The following RTL1 variants were observed in gnomAD, a reference collection of about 807,000 sequenced individuals.
The protein encoded by RTL1 is retrotransposon Gag like 1, also known as retrotransposon-like protein 1.
For synonymous variants in RTL1, 727 were observed against 748.4 expected, an observed-to-expected ratio of 0.97 and a Z score of 0.47; for missense variants, 1,681 against 1,767.5, an observed-to-expected ratio of 0.95 and a Z score of 0.88.
In RTL1 at chr14:100,881,249, G is replaced by A; in HGVS notation, c.3540C>T (p.Ser1180=). ...TGAACTGCAGGCCTCGGTGGGCCTG[G>A]GAGTGCAGAGCATTTCGCTGCCAGC... ...PGRWQRNALH[S]QAHRGLQFTP... Residue 1180 remains serine, a synonymous_variant, in exon 4 of 4, where the codon TCC becomes TCT. Transcript: ENST00000649591. The surrounding 1 kb of genome is among the most constrained non-coding windows in gnomAD (Gnocchi z 6.6). 3.9e-6 allele frequency: 6 copies of A among 1,549,694 alleles called. 1 individual carries two copies. In the South Asian group the frequency reaches 7.2e-5, roughly 18 times the overall value.
Position 100,883,099 on chromosome 14 carries a change from C to G in RTL1, c.1690G>C (p.Asp564His), listed in dbSNP as rs146372942. The G allele has an allele frequency of 1.2e-6, 2 of 1,613,594 alleles. No individual in the cohort carries two copies. The highest frequency in any genetic ancestry group is 1.3e-5 in the African/African-American group (1 of 75,034). ...TCTGCTTCCTTCGGGTTAAACACGT[C>G]GGCCAGGTCTGAGTATGGGTGTGGC... ...GLPHPYSDLA[D>H]VFNPKEADDE... is the part of the protein sequence containing the mutation. The change falls in exon 4 of 4, where the codon GAC becomes CAC. Residue 564 changes from aspartate (D) to histidine (H), a missense_variant. By Grantham distance (81) the Asp-to-His change is moderately conservative (BLOSUM62 -1). Coordinates refer to ENST00000649591, the MANE Select transcript of RTL1 (RefSeq NM_001134888.3). The surrounding 1 kb of genome is among the most constrained non-coding windows in gnomAD (Gnocchi z 5.9).
intron 2 of RTL1, among the ~76,000 whole-genome samples, chr14:100,900,910 CACCAACAAAA>C (rs892333927): frequency 6.6e-6 from 1 of 152,204 alleles, no homozygotes. Context: ...AAAACAACAG[CACCAACAAAA>C]ACCAACAAAA....
Position 100,881,819 on chromosome 14 carries a change from G to T in RTL1, c.2970C>A (p.Gly990=), listed in dbSNP as rs1163215107. The T allele has an allele frequency of 2.5e-6, 4 of 1,613,936 alleles. No individual in the cohort carries two copies. The South Asian group carries it at 4.4e-5, about 18-fold the overall frequency. Reference sequence around the variant, plus strand: ...GGTTTCTCACAGGTGGCAGAGCTCGGCCGCCGTCTTGTTCTGGCAGCTCCA... The same window carrying T: ...GGTTTCTCACAGGTGGCAGAGCTCGTCCGCCGTCTTGTTCTGGCAGCTCCA... The part of the protein sequence containing the change: ...DVMELPEQDG[G]RALPPVRNLR... The change falls in exon 4 of 4, where the codon GGC becomes GGA. Residue 990 remains glycine, a synonymous_variant. Transcript: ENST00000649591. The surrounding 1 kb of genome is among the most constrained non-coding windows in gnomAD (Gnocchi z 6.6).
intron 2 of RTL1, among the ~76,000 whole-genome samples, chr14:100,902,668 C>A (rs1474928554): frequency 1.3e-5 from 2 of 152,208 alleles, no homozygotes; most frequent in African/African-American, 4.8e-5. Context: ...GGCTCCCGAG[C>A]CAGGCAGACC....
In RTL1 at chr14:100,881,597, G is replaced by A. The variant is rs1240060317; in HGVS notation, c.3192C>T (p.Leu1064=). The change falls in exon 4 of 4, where the codon CTC becomes CTT. Residue 1064 remains leucine, a synonymous_variant. Coordinates refer to ENST00000649591, the MANE Select transcript of RTL1 (RefSeq NM_001134888.3). The surrounding 1 kb of genome is among the most constrained non-coding windows in gnomAD (Gnocchi z 6.6). The part of the protein sequence containing the change: ...IPIDQILNSF[L]AHFSMAQIRA... ...TGATCTGGGCCATGCTGAAGTGGGCGAGGAAGCTGTTGAGGATCTGGTCGA... is the reference window on the plus strand; with the variant it reads ...TGATCTGGGCCATGCTGAAGTGGGCAAGGAAGCTGTTGAGGATCTGGTCGA... 2.6e-6 allele frequency: 4 copies of A among 1,551,814 alleles called. No individual in the cohort carries two copies. Among genetic ancestry groups the A allele is most frequent in the East Asian group, 2.4e-5 (1 of 40,926 alleles).
intron 3 of RTL1, among the ~76,000 whole-genome samples, chr14:100,889,209 A>G (rs1369605356): frequency 6.6e-6 from 1 of 152,154 alleles, no homozygotes; most frequent in Non-Finnish European, 1.5e-5. Context: ...CTTGCTTAAA[A>G]TCTCAACGTG....
intron 3 of RTL1, among the ~76,000 whole-genome samples, chr14:100,892,934 G>A (rs1351092813): frequency 6.6e-6 from 1 of 152,142 alleles, no homozygotes; most frequent in Non-Finnish European, 1.5e-5. Flanking sequence ...GATTCGGAGG[G>A]CGAGGTGCTG....
chr14:100,898,076 T>G, intron 2 of RTL1: 1 of 380,924 alleles, frequency 2.6e-6, no homozygotes, highest in South Asian at 2.2e-5. Flanking sequence ...CATTGTTGAT[T>G]ACACTCTTCT....
intron 2 of RTL1, among the ~76,000 whole-genome samples, chr14:100,900,307 T>A (rs1040788139): frequency 1.3e-5 from 2 of 152,232 alleles, no homozygotes; most frequent in Non-Finnish European, 2.9e-5. Context: ...ATGAGCTTTT[T>A]GTGTGTTAGT....
Position 100,882,492 on chromosome 14 carries a change from TC to T in RTL1, c.2296del (p.Asp766ThrfsTer22). On this transcript the variant is annotated frameshift_variant, in exon 4 of 4. Transcript: ENST00000649591. LOFTEE classifies it low-confidence loss of function (END_TRUNC). Reference sequence around the variant, plus strand: ...GGTTTGGCGGTGGAACTGGCTCTTGTCCAGGGAGCAGTAGACGTTGTGATGG... The same window carrying T: ...GGTTTGGCGGTGGAACTGGCTCTTGTCAGGGAGCAGTAGACGTTGTGATGG... ...FRHHNVYCSL[D>X]KSQFHRQTVE... 1 of 1,551,868 alleles carries T rather than the reference TC, an allele frequency of 6.4e-7. No individual in the cohort carries two copies.
intron 2 of RTL1, among the ~76,000 whole-genome samples, chr14:100,899,711 T>TGA (rs111408702): frequency 7.0e-6 from 1 of 142,836 alleles, no homozygotes; most frequent in African/African-American, 2.6e-5. Flanking sequence ...TTCCTGATAT[T>TGA]AAAAAAAAAA....
At chr14:100,889,549 TC>T (rs1293878073) in intron 3 of RTL1, 3 of 152,224 alleles carry the variant, frequency 2.0e-5, no homozygotes, top group Non-Finnish European at 2.9e-5. Context: ...GATTTTATTG[TC>T]CCCAAATGTT....
intron 3 of RTL1, among the ~76,000 whole-genome samples, chr14:100,888,801 C>T (rs936173936): frequency 7.2e-5 from 11 of 152,112 alleles, no homozygotes; most frequent in Non-Finnish European, 1.6e-4. Context: ...TTTTCATATT[C>T]GCAATATTGA....
In RTL1 at chr14:100,881,564, G is replaced by A. The variant is rs2038614006; in HGVS notation, c.3225C>T (p.Val1075=). ...GGAGGCCTCGGAAGAAGTGCAGAAT[G>A]ACGGCCCTGATCTGGGCCATGCTGA... The part of the protein sequence containing the change: ...AHFSMAQIRA[V]ILHFFRGLLY... The change falls in exon 4 of 4, where the codon GTC becomes GTT. Residue 1075 remains valine (V), a synonymous_variant. Transcript: ENST00000649591. This position sits in a 1 kb window ranked among gnomAD's most constrained non-coding sequence, Gnocchi z 6.6. 1.9e-6 allele frequency: 3 copies of A among 1,551,784 alleles called. No individual in the cohort carries two copies. The African/African-American group carries it at 4.1e-5, about 21-fold the overall frequency.
chr14:100,899,740 T>A (rs902816254), intron 2 of RTL1, among the ~76,000 whole-genome samples: 1 of 149,774 alleles, frequency 6.7e-6, no homozygotes, highest in Non-Finnish European at 1.5e-5. Context: ...TCATAATCTC[T>A]CTCACACAGG....
At chr14:100,897,909 G>A (rs752584285) in intron 2 of RTL1, 1 of 507,696 alleles carries the variant, frequency 2.0e-6, no homozygotes, top group Non-Finnish European at 4.0e-6. Flanking sequence ...CAAAATAAAA[G>A]GGGGCTTTTC....
At chr14:100,896,843 A>C (rs2038863325) in intron 2 of RTL1, among the ~76,000 whole-genome samples, 1 of 152,202 alleles carries the variant, frequency 6.6e-6, no homozygotes, top group African/African-American at 2.4e-5. Context: ...CTAGGCTGCG[A>C]ACGCGAGCCG....
intron 3 of RTL1, among the ~76,000 whole-genome samples, chr14:100,886,708 C>G (rs1306684942): frequency 6.1e-5 from 9 of 148,082 alleles, no homozygotes. Context: ...ATATAAAATT[C>G]TAATTGAAAT....
intron 3 of RTL1, among the ~76,000 whole-genome samples, chr14:100,889,476 T>C (rs1271486928): frequency 2.6e-5 from 4 of 152,242 alleles, no homozygotes; most frequent in African/African-American, 9.6e-5. Flanking sequence ...TTCCATTTCC[T>C]GTTCCTCACG....
Sources: gnomAD v4.1 joint callset for allele counts (sites outside exome capture counted in the v4.1 genomes callset) on GRCh38, gnomAD v4.1.1 for gene constraint, Gnocchi (gnomAD v3.1) non-coding constraint, MANE v1.5 for transcripts, NCBI Gene and HGNC (gene_info 2026-07-23, HGNC 2026-07-21) for gene names.